PDE8B: variants seen among roughly 807,000 people sequenced by gnomAD.
PDE8B encodes the protein phosphodiesterase 8B, also known as high affinity cAMP-specific and IBMX-insensitive 3',5'-cyclic phosphodiesterase 8B.
A neutral mutation model predicts 101.3 loss-of-function variants in PDE8B; 26 were observed. That is an observed-to-expected ratio of 0.26 (90% confidence interval 0.19 to 0.36). The LOEUF (loss-of-function observed/expected upper bound fraction) is 0.36. Among genes scored for constraint, PDE8B ranks in the 10% least tolerant of loss-of-function variants. PDE8B has a pLI of 1.00. For synonymous variants in PDE8B, 424 were observed against 429.3 expected (o/e 0.99, Z 0.15); for missense variants, 810 against 1,163.1 (o/e 0.70, Z 4.42).
At chr5:77,138,060 C>T in the PDE8B span, among the ~76,000 whole-genome samples, 1 of 152,272 alleles carries the variant, frequency 6.6e-6, no homozygotes, top group Non-Finnish European at 1.5e-5. Flanking sequence ...AATAACTTCC[C>T]TACTCCCCTT....
the PDE8B span, among the ~76,000 whole-genome samples, chr5:77,094,548 C>T: frequency 2.0e-5 from 3 of 152,286 alleles, no homozygotes; most frequent in East Asian, 5.8e-4. Flanking sequence ...TCAAGTGATC[C>T]TCTCATTTTG....
At chr5:77,277,524 T>C (rs1429356484) in intron 1 of PDE8B, among the ~76,000 whole-genome samples, 1 of 152,230 alleles carries the variant, frequency 6.6e-6, no homozygotes, top group Non-Finnish European at 1.5e-5. Context: ...TCTGGATTTG[T>C]TCCTCTTGAC....
rs376957466 is a variant in PDE8B at position 77,407,467 on chromosome 5, G to A, written c.1365+10G>A. The A allele has an allele frequency of 4.1e-5, 66 of 1,603,866 alleles. No individual in the cohort carries two copies. The highest frequency in any genetic ancestry group is 1.6e-4 in the Middle Eastern group (1 of 6,062). ...GGCTCCCATCACAAAGGTGAGTGGC[G>A]GCTGCTGCCTGCACTCTGCAGTCAG... On this transcript the variant is annotated intron_variant, in intron 13 of 21. Transcript: ENST00000264917.
At chr5:77,365,795 G>A (rs756049745) in intron 10 of PDE8B, among the ~76,000 whole-genome samples, 1 of 152,180 alleles carries the variant, frequency 6.6e-6, no homozygotes, top group Non-Finnish European at 1.5e-5. Context: ...GTGATGATGT[G>A]GCTCTGCCTG....
intron 7 of PDE8B, among the ~76,000 whole-genome samples, chr5:77,347,099 C>G (rs1780281973): frequency 6.6e-6 from 1 of 152,196 alleles, no homozygotes; most frequent in Admixed American, 6.5e-5. Flanking sequence ...TCCTTCCTGT[C>G]TTCCTCCATG....
At chr5:77,312,253 G>A (rs527536901) in intron 2 of PDE8B, among the ~76,000 whole-genome samples, 200 bp downstream of exon 2, 44 of 151,724 alleles carry the variant, frequency 2.9e-4, no homozygotes, top group Admixed American at 1.0e-3. Flanking sequence ...ACAGGTGTGC[G>A]CCACCATGCC....
At chr5:77,128,682 G>A in the PDE8B span, among the ~76,000 whole-genome samples, 1 of 152,224 alleles carries the variant, frequency 6.6e-6, no homozygotes, top group African/African-American at 2.4e-5. Flanking sequence ...GTCCCCTGGA[G>A]GCCCTGACTG....
intron 2 of PDE8B, 123 bp from the exon 3 acceptor site, chr5:77,325,416 G>A (rs989997694): frequency 1.1e-5 from 10 of 875,338 alleles, no homozygotes; most frequent in African/African-American, 9.8e-5. Flanking sequence ...GTAGTCCACT[G>A]CCTCAGCCTC....
chr5:77,359,141 A>C (rs1782652300), intron 10 of PDE8B, among the ~76,000 whole-genome samples: 1 of 151,664 alleles, frequency 6.6e-6, no homozygotes, highest in Admixed American at 6.6e-5. Flanking sequence ...AGCCGGGAGG[A>C]GGGGACAGGG....
At chr5:77,106,949 C>T in the PDE8B span, among the ~76,000 whole-genome samples, 12 of 151,998 alleles carry the variant, frequency 7.9e-5, no homozygotes, top group South Asian at 4.1e-4. Context: ...ATGTGCACAA[C>T]GTGCAGGTTT....
At chr5:77,424,354 T>C (rs1797432672) in intron 20 of PDE8B, among the ~76,000 whole-genome samples, 1 of 152,230 alleles carries the variant, frequency 6.6e-6, no homozygotes, top group African/African-American at 2.4e-5. Context: ...TGTACTAATG[T>C]TCATAAGCCA....
intron 17 of PDE8B, among the ~76,000 whole-genome samples, chr5:77,413,883 C>T (rs1795025731): frequency 6.6e-6 from 1 of 152,074 alleles, no homozygotes; most frequent in Non-Finnish European, 1.5e-5. Context: ...TAGGGCAGCC[C>T]TAGGAACCCC....
chr5:77,124,509 C>T, the PDE8B span, among the ~76,000 whole-genome samples: 10 of 151,506 alleles, frequency 6.6e-5, no homozygotes, highest in Non-Finnish European at 1.3e-4. Context: ...ATCGCCTGAG[C>T]TGAGGAGGTT....
At chr5:77,370,251 C>T (rs1054395596) in intron 10 of PDE8B, among the ~76,000 whole-genome samples, 1 of 152,062 alleles carries the variant, frequency 6.6e-6, no homozygotes, top group Admixed American at 6.6e-5. Flanking sequence ...TAACCTAAAC[C>T]CTAAGAAGAC....
At chr5:77,299,915 T>A (rs1296875103) in intron 1 of PDE8B, among the ~76,000 whole-genome samples, 1 of 152,164 alleles carries the variant, frequency 6.6e-6, no homozygotes, top group Non-Finnish European at 1.5e-5. Flanking sequence ...ACATGAGAGT[T>A]GTAACTGAAA....
chr5:77,141,284 A>G, the PDE8B span: 5 of 152,246 alleles, frequency 3.3e-5, no homozygotes, highest in Non-Finnish European at 5.9e-5. Context: ...ACTATAAACA[A>G]GGTAGATTTA....
chr5:77,175,557 C>T, the PDE8B span, among the ~76,000 whole-genome samples: 3 of 152,178 alleles, frequency 2.0e-5, no homozygotes, highest in South Asian at 6.2e-4. Flanking sequence ...CTCAGCTTCT[C>T]TCTATTACAG....
intron 9 of PDE8B, among the ~76,000 whole-genome samples, chr5:77,352,527 C>A (rs935756080): frequency 2.0e-5 from 3 of 152,160 alleles, no homozygotes; most frequent in Admixed American, 1.3e-4. Flanking sequence ...CTATCAGAGG[C>A]AATTCTTATT....
the PDE8B span, among the ~76,000 whole-genome samples, chr5:77,199,189 C>T: frequency 6.6e-6 from 1 of 152,152 alleles, no homozygotes; most frequent in Non-Finnish European, 1.5e-5. Context: ...TTTATACTCA[C>T]TCGAACATAC....
Sources: gnomAD v4.1 joint callset for allele counts (sites outside exome capture counted in the v4.1 genomes callset) on GRCh38, gnomAD v4.1.1 for gene constraint, MANE v1.5 for transcripts, NCBI Gene and HGNC (gene_info 2026-07-23, HGNC 2026-07-21) for gene names.